The following GRM8 variants were observed in gnomAD, a reference collection of about 807,000 sequenced individuals.
GRM8 encodes metabotropic glutamate receptor 8.
In GRM8, 47 loss-of-function variants were observed where a neutral mutation model predicts 87.2. The ratio of observed to expected loss-of-function variants is 0.54; its 90% CI spans 0.43 to 0.69. The LOEUF (loss-of-function observed/expected upper bound fraction) is 0.69. Ranked by LOEUF, GRM8 falls within the 30% of genes least tolerant of loss-of-function variation. The pLI is 0.00. For missense variants in GRM8, 1,019 were observed against 1,139.2 expected, an observed-to-expected ratio of 0.89 and a Z score of 1.52; for synonymous variants, 396 against 404.5, an observed-to-expected ratio of 0.98 and a Z score of 0.25.
At chr7:127,232,144 C>G (rs1043675813) in intron 2 of GRM8, among the ~76,000 whole-genome samples, 5 of 150,988 alleles carry the variant, frequency 3.3e-5, no homozygotes, top group Non-Finnish European at 5.9e-5. Context: ...TGCCCTATGC[C>G]AGAGCCAATC....
intron 7 of GRM8, among the ~76,000 whole-genome samples, chr7:126,673,976 A>G (rs896903010): frequency 4.6e-5 from 7 of 152,194 alleles, no homozygotes; most frequent in Admixed American, 3.9e-4. Context: ...ATATATCAAT[A>G]TAGACCTTTT....
chr7:126,997,009 A>G (rs1056252838), intron 3 of GRM8, among the ~76,000 whole-genome samples: 4 of 151,988 alleles, frequency 2.6e-5, no homozygotes, highest in African/African-American at 9.7e-5. Context: ...ACTCAGCATC[A>G]TTCTCACAGA....
intron 3 of GRM8, among the ~76,000 whole-genome samples, chr7:126,942,507 A>T (rs975870347): frequency 2.6e-5 from 4 of 152,192 alleles, no homozygotes; most frequent in African/African-American, 7.2e-5. Flanking sequence ...TAACAAGGCC[A>T]AGGTCCTAGA....
intron 6 of GRM8, among the ~76,000 whole-genome samples, chr7:126,833,193 C>G (rs955274999): frequency 2.6e-5 from 4 of 152,130 alleles, no homozygotes; most frequent in Non-Finnish European, 5.9e-5. Flanking sequence ...CCAAATGCAG[C>G]TGGTGGAAAG....
intron 6 of GRM8, among the ~76,000 whole-genome samples, 153 bp downstream of exon 6, chr7:126,902,389 C>A (rs1374671070): frequency 6.6e-6 from 1 of 152,130 alleles, no homozygotes; most frequent in Non-Finnish European, 1.5e-5. Flanking sequence ...GTTGAATGAT[C>A]AGGGTATGCT....
chr7:126,588,690 C>T (rs1035259616), intron 8 of GRM8, among the ~76,000 whole-genome samples: 26 of 152,154 alleles, frequency 1.7e-4, no homozygotes, highest in African/African-American at 6.3e-4. Flanking sequence ...ACATCATGAA[C>T]TTTTCCTGAA....
In GRM8 at chr7:126,505,153, T is replaced by C. The variant is rs1402503754; in HGVS notation, c.2430+27799A>G. Among the ~76,000 whole-genome samples the C allele has an allele frequency of 2.6e-5, 4 of 152,140 alleles. No individual in the cohort carries two copies. In the South Asian group the frequency reaches 8.3e-4, roughly 32 times the overall value. Reference sequence around the variant, plus strand: ...TTCACTAGGACTAAAATGGATTTGGTGTATAAGCAGACTTATAGACATATA... The same window carrying C: ...TTCACTAGGACTAAAATGGATTTGGCGTATAAGCAGACTTATAGACATATA... On this transcript the variant is annotated intron_variant, in intron 9 of 10. Transcript: ENST00000339582.
chr7:126,687,987 C>T (rs867417910), intron 7 of GRM8, among the ~76,000 whole-genome samples: 28 of 151,926 alleles, frequency 1.8e-4, no homozygotes, highest in Non-Finnish European at 1.9e-4. Context: ...TTTTAATACT[C>T]ATTGATTTGT....
chr7:127,162,376 T>C (rs1395991400), intron 2 of GRM8, among the ~76,000 whole-genome samples: 1 of 152,200 alleles, frequency 6.6e-6, no homozygotes, highest in Non-Finnish European at 1.5e-5. Context: ...CAGGGCTTTT[T>C]CCCACTTATT....
At chr7:127,021,991 A>T (rs1267298611) in intron 3 of GRM8, among the ~76,000 whole-genome samples, 1 of 152,056 alleles carries the variant, frequency 6.6e-6, no homozygotes, top group East Asian at 1.9e-4. Flanking sequence ...CCTAAGTCCT[A>T]TGTTGTAGGT....
At chr7:126,553,129 CT>C (rs1792768823) in intron 8 of GRM8, among the ~76,000 whole-genome samples, 1 of 152,154 alleles carries the variant, frequency 6.6e-6, no homozygotes, top group East Asian at 1.9e-4. Context: ...ACCATAGCTG[CT>C]GCTATTCTTC....
chr7:127,073,959 C>A (rs1329963841), intron 3 of GRM8, among the ~76,000 whole-genome samples: 2 of 152,124 alleles, frequency 1.3e-5, no homozygotes, highest in Non-Finnish European at 2.9e-5. Context: ...ATTAATCAAA[C>A]CTTAGGTAAC....
At chr7:126,472,429 C>A (rs530974321) in intron 9 of GRM8, among the ~76,000 whole-genome samples, 17 of 152,070 alleles carry the variant, frequency 1.1e-4, no homozygotes, top group Non-Finnish European at 2.2e-4. Flanking sequence ...GCCTTTTCTG[C>A]ATCTAAGAAA....
chr7:126,839,902 C>T (rs892057811), intron 6 of GRM8, among the ~76,000 whole-genome samples: 18 of 152,280 alleles, frequency 1.2e-4, no homozygotes, highest in African/African-American at 4.3e-4. Flanking sequence ...CATCCCTTTG[C>T]TGAATGTACA....
At chr7:126,474,599 T>G (rs1321575902) in intron 9 of GRM8, among the ~76,000 whole-genome samples, 2 of 152,170 alleles carry the variant, frequency 1.3e-5, no homozygotes, top group Non-Finnish European at 1.5e-5. Flanking sequence ...AAAACCTATG[T>G]TCATCCTGAA....
At chr7:127,032,369 T>C (rs1417280661) in intron 3 of GRM8, among the ~76,000 whole-genome samples, 2 of 152,126 alleles carry the variant, frequency 1.3e-5, no homozygotes, top group East Asian at 3.9e-4. Context: ...CAACTCACTT[T>C]CACTGGTTGG....
At chr7:127,233,580 A>G (rs1422231120) in intron 2 of GRM8, among the ~76,000 whole-genome samples, 7 of 152,232 alleles carry the variant, frequency 4.6e-5, no homozygotes, top group Admixed American at 4.6e-4. Context: ...AAGACACTAG[A>G]GCAAGAATAA....
intron 3 of GRM8, among the ~76,000 whole-genome samples, chr7:127,058,796 C>T (rs1038908045): frequency 9.9e-5 from 15 of 152,154 alleles, no homozygotes; most frequent in Admixed American, 9.8e-4. Context: ...CTATGATAAA[C>T]CTGGGCATTT....
At chr7:126,935,846 T>C (rs1473717190) in intron 3 of GRM8, among the ~76,000 whole-genome samples, 2 of 152,198 alleles carry the variant, frequency 1.3e-5, no homozygotes, top group African/African-American at 4.8e-5. Context: ...TGTGTTTTCC[T>C]CCTCCTCTCA....
Sources: gnomAD v4.1 joint callset for allele counts (sites outside exome capture counted in the v4.1 genomes callset) on GRCh38, gnomAD v4.1.1 for gene constraint, MANE v1.5 for transcripts, NCBI Gene and HGNC (gene_info 2026-07-23, HGNC 2026-07-21) for gene names.